CDKL1: variants seen among roughly 807,000 people sequenced by gnomAD.
CDKL1 encodes cyclin dependent kinase like 1.
In CDKL1, 41 loss-of-function variants were observed where a neutral mutation model predicts 42.0. That is an observed-to-expected ratio of 0.98 (90% CI 0.76 to 1.27). The LOEUF (loss-of-function observed/expected upper bound fraction) is 1.27. Ranked by LOEUF, CDKL1 falls within the 50% of genes most tolerant of loss-of-function variation. The pLI is 0.00. For missense variants in CDKL1, 394 were observed against 428.4 expected (o/e 0.92, Z 0.71); for synonymous variants, 153 against 158.6 (o/e 0.96, Z 0.26).
chr14:50,335,545 A>ACAAT (rs759295522), intron 7 of CDKL1: 59 of 1,535,958 alleles, frequency 3.8e-5, no homozygotes, highest in Middle Eastern at 3.3e-4. Context: ...CGTGCTGGAG[A>ACAAT]CAATCAGGAA....
At chr14:50,339,078 G>C in intron 6 of CDKL1, 49 bp from the exon 7 acceptor site, 1 of 1,207,274 alleles carries the variant, frequency 8.3e-7, no homozygotes. Context: ...AGCAAACACT[G>C]ATCTATGGTT....
At chr14:50,352,944 A>G (rs554361262) in intron 3 of CDKL1, among the ~76,000 whole-genome samples, 15 of 152,364 alleles carry the variant, frequency 9.8e-5, no homozygotes, top group Admixed American at 7.8e-4. Flanking sequence ...CAGAATGATG[A>G]GCAAAGAATT....
At chr14:50,368,179 T>C (rs1318527599) in intron 2 of CDKL1, among the ~76,000 whole-genome samples, 3 of 152,206 alleles carry the variant, frequency 2.0e-5, no homozygotes, top group Admixed American at 6.5e-5. Context: ...TGTCCGATCT[T>C]GAAATCCTGG....
At chr14:50,331,769 T>G in intron 9 of CDKL1, 1 of 462,870 alleles carries the variant, frequency 2.2e-6, no homozygotes, top group Non-Finnish European at 3.8e-6. Flanking sequence ...GATGCTGTTC[T>G]CTGGTTAAAT....
intron 2 of CDKL1, chr14:50,380,158 C>T (rs1366035664): frequency 7.5e-6 from 4 of 530,128 alleles, no homozygotes; most frequent in Non-Finnish European, 1.5e-5. Flanking sequence ...CAGAAAGGGC[C>T]AAACACAAGC....
At chr14:50,377,707 T>C (rs1263276746) in intron 2 of CDKL1, 4 of 1,307,654 alleles carry the variant, frequency 3.1e-6, no homozygotes, top group African/African-American at 1.5e-5. Context: ...TGGTTTTGAA[T>C]GGGGTGTAAG....
intron 2 of CDKL1, among the ~76,000 whole-genome samples, chr14:50,375,088 G>A (rs1034233991): frequency 5.3e-5 from 8 of 151,882 alleles, no homozygotes; most frequent in African/African-American, 1.2e-4. Context: ...CATGTATCCC[G>A]GAACTTATTA....
intron 3 of CDKL1, among the ~76,000 whole-genome samples, chr14:50,352,147 T>C (rs2033921900): frequency 6.6e-6 from 1 of 152,198 alleles, no homozygotes; most frequent in Admixed American, 6.5e-5. Context: ...TTTTCTTTTC[T>C]AGAAATGTCT....
At chr14:50,360,396 C>A (rs2034200887) in intron 2 of CDKL1, among the ~76,000 whole-genome samples, 1 of 152,072 alleles carries the variant, frequency 6.6e-6, no homozygotes, top group Non-Finnish European at 1.5e-5. Flanking sequence ...TACCATTCCA[C>A]TTTTTATTTA....
intron 2 of CDKL1, among the ~76,000 whole-genome samples, chr14:50,393,671 T>C (rs1251562893): frequency 6.6e-6 from 1 of 152,182 alleles, no homozygotes; most frequent in Non-Finnish European, 1.5e-5. Flanking sequence ...GTGTTAGGAA[T>C]ATCACACAAC....
chr14:50,386,813 C>T (rs1268412096), intron 2 of CDKL1, among the ~76,000 whole-genome samples: 1 of 151,974 alleles, frequency 6.6e-6, no homozygotes. Flanking sequence ...GTAATCCCAG[C>T]ACTTTGGGAG....
intron 2 of CDKL1, chr14:50,364,077 C>T (rs1245186518): frequency 6.6e-6 from 1 of 152,246 alleles, no homozygotes; most frequent in Non-Finnish European, 1.5e-5. Flanking sequence ...AGCACTGTGC[C>T]AGTAAAGGAC....
chr14:50,362,794 A>T (rs1168816236), intron 2 of CDKL1: 1 of 269,134 alleles, frequency 3.7e-6, no homozygotes, highest in Non-Finnish European at 8.1e-6. Context: ...AAAACAGACC[A>T]ATTGGCTCTC....
chr14:50,371,995 T>G (rs899876645), intron 2 of CDKL1, among the ~76,000 whole-genome samples: 1 of 152,188 alleles, frequency 6.6e-6, no homozygotes, highest in Non-Finnish European at 1.5e-5. Flanking sequence ...CCTCTGGACT[T>G]TGGACACCAC....
Position 50,332,304 on chromosome 14 carries a change from T to G in CDKL1, c.924A>C (p.Leu308=). The change falls in exon 9 of 10, where the codon CTA becomes CTC. Residue 308 remains leucine, a synonymous_variant. Coordinates refer to ENST00000395834, the MANE Select transcript of CDKL1 (RefSeq NM_004196.7). ...AGCAGTGGTGCTTTCGGCTCTTTCTTAGGGTCTTCCTTGTTGGTTTGTTGT... is the reference window on the plus strand; with the variant it reads ...AGCAGTGGTGCTTTCGGCTCTTTCTGAGGGTCTTCCTTGTTGGTTTGTTGT... The part of the protein sequence containing the change: ...KEHNKPTRKT[L]RKSRKHHCFT... 6.2e-7 allele frequency: 1 copy of G among 1,614,174 alleles called. No individual in the cohort carries two copies. Among genetic ancestry groups the G allele is most frequent in the Non-Finnish European group, 8.5e-7 (1 of 1,180,006 alleles).
intron 2 of CDKL1, among the ~76,000 whole-genome samples, chr14:50,382,322 G>C (rs968224309): frequency 6.6e-6 from 1 of 152,090 alleles, no homozygotes; most frequent in Non-Finnish European, 1.5e-5. Context: ...GCGTGGTAGC[G>C]GGCGCCTGTA....
chr14:50,340,994 T>C (rs375066450), intron 6 of CDKL1, 38 bp downstream of exon 6: 60 of 1,602,496 alleles, frequency 3.7e-5, no homozygotes, highest in African/African-American at 6.7e-5. Flanking sequence ...TGGGGAAATA[T>C]CCAGTTTTCC....
rs991368460 is a variant in CDKL1, at chr14:50,326,829, C to T, written c.*3245G>A. On this transcript the variant is annotated 3_prime_UTR_variant, in exon 10 of 10. Transcript: ENST00000395834. ...GCTGAGGTGGGAGGATCACTTGAGA[C>T]CAGGAGTTTGAGACCAATTTGGGCA... The T allele has an allele frequency of 9.8e-6, 9 of 915,640 alleles. No homozygotes were observed. The highest frequency in any genetic ancestry group is 1.0e-5 in the Non-Finnish European group (8 of 766,746). 56.7% of individuals were successfully genotyped at this position (915,640 alleles called of 1,614,324 possible). A position where few individuals can be genotyped will look rare whatever the true frequency, so the allele number is the denominator to read the frequency against.
At chr14:50,378,565 A>C in intron 2 of CDKL1, 1 of 684,830 alleles carries the variant, frequency 1.5e-6, no homozygotes. Context: ...ACAGGGTCAT[A>C]ATCTGTCATC....
Sources: allele counts gnomAD v4.1 joint callset (sites outside exome capture counted in the v4.1 genomes callset), GRCh38; gene constraint gnomAD v4.1.1; transcripts MANE v1.5; gene names NCBI Gene and HGNC (gene_info 2026-07-23, HGNC 2026-07-21).